The following TNKS1BP1 variants were observed in gnomAD, a reference collection of about 807,000 sequenced individuals.
The protein encoded by TNKS1BP1 is CCR4-NOT transcription complex subunit 12.
Under a neutral mutation model 141.1 loss-of-function variants are expected in TNKS1BP1, and 48 were observed. The observed-to-expected ratio is 0.34, with a 90% CI of 0.27 to 0.43. TNKS1BP1 has a LOEUF of 0.43. TNKS1BP1 is among the 20% of genes least tolerant of loss of function. The pLI, the probability that TNKS1BP1 is intolerant of heterozygous loss-of-function variation, is 1.00. For missense variants in TNKS1BP1, 2,149 were observed against 2,226.0 expected (o/e 0.97, Z 0.70); for synonymous variants, 875 against 898.2 (o/e 0.97, Z 0.46).
intron 4 of TNKS1BP1, 93 bp from the exon 5 acceptor site, chr11:57,313,982 C>T (rs1208709344): frequency 2.6e-5 from 34 of 1,324,064 alleles, no homozygotes; most frequent in Non-Finnish European, 3.3e-5. Context: ...AGGTCAGCTT[C>T]TCCCAGGCTG....
rs5792037 is a variant in TNKS1BP1, at chr11:57,322,071, TGGGG to T, written c.-65-125_-65-122del. The T allele has an allele frequency of 3.9e-3, 1,291 of 334,220 alleles. 2 individuals are homozygous for T. Among genetic ancestry groups the T allele is most frequent in the South Asian group, 5.0e-3 (132 of 26,224 alleles). 20.7% of individuals were successfully genotyped at this position (334,220 alleles called of 1,614,324 possible). On this transcript the variant is annotated intron_variant, in intron 1 of 11. Coordinates refer to ENST00000358252, the MANE Select transcript of TNKS1BP1 (RefSeq NM_033396.3). ...TGGGACAGGAAGAGAGAACTTGGAG[TGGGG>T]GGGGGGGGGTAGGAGGAGGTCAAGG...
intron 1 of TNKS1BP1, among the ~76,000 whole-genome samples, chr11:57,324,209 G>C (rs1855928019): frequency 6.6e-6 from 1 of 152,222 alleles, no homozygotes; most frequent in African/African-American, 2.4e-5. Flanking sequence ...TCCGAGGCTA[G>C]AGAGGTCGGC....
chr11:57,302,770 C>T lies in TNKS1BP1; in HGVS notation c.4372G>A (p.Glu1458Lys). 1 of 1,568,280 alleles carries T rather than the reference C, an allele frequency of 6.4e-7. No homozygotes were observed. The change falls in exon 7 of 12, where the codon GAG (glutamate) becomes AAG (lysine). Residue 1458 changes from glutamate (E) to lysine (K), a missense_variant. Physicochemically the swap from Glu to Lys is moderately conservative, Grantham distance 56. Transcript: ENST00000358252. This position sits in a 1 kb window ranked among gnomAD's most constrained non-coding sequence, Gnocchi z 5.5. ...TTGGAGCTGCTGGCTGCCAGCATCTCCTCCAGCAGGCCCTGGGAGCCGGAG... is the reference window on the plus strand; with the variant it reads ...TTGGAGCTGCTGGCTGCCAGCATCTTCTCCAGCAGGCCCTGGGAGCCGGAG... ...PPSGSQGLLEEMLAASSSKAV... is the reference protein window; with the variant it reads ...PPSGSQGLLEKMLAASSSKAV...
rs1855534978 is a variant in TNKS1BP1 at position 57,302,179 on chromosome 11, A to G, written c.4729T>C (p.Leu1577=). 6.2e-7 allele frequency: 1 copy of G among 1,612,738 alleles called. No homozygotes were observed. ...DSAMYRSRAN[L]GRKRGHRAPV... ...GCCCGGTGCCCACGCTTGCGCCCCA[A>G]GTTGGCACGGCTCCGATACATGGCA... The change falls in exon 8 of 12, where the codon TTG becomes CTG. Residue 1577 remains leucine, a synonymous_variant. Coordinates refer to ENST00000358252, the MANE Select transcript of TNKS1BP1 (RefSeq NM_033396.3). This position sits in a 1 kb window ranked among gnomAD's most constrained non-coding sequence, Gnocchi z 5.5.
At chr11:57,320,027 A>T in intron 3 of TNKS1BP1, 52 bp downstream of exon 3, 2 of 578,370 alleles carry the variant, frequency 3.5e-6, no homozygotes, top group Non-Finnish European at 5.7e-6. Flanking sequence ...ACCCAATCCC[A>T]CCCCACCTGA....
At chr11:57,307,206 G>A (rs554013400) in intron 6 of TNKS1BP1, among the ~76,000 whole-genome samples, 2 of 152,124 alleles carry the variant, frequency 1.3e-5, no homozygotes, top group South Asian at 4.2e-4. Flanking sequence ...GAACATTAAA[G>A]CTGGAACTCT....
In TNKS1BP1 at chr11:57,313,841, C is replaced by T. The variant is rs940302551; in HGVS notation, c.847G>A (p.Gly283Arg). 6.5e-7 allele frequency: 1 copy of T among 1,527,798 alleles called. No individual in the cohort carries two copies. The allele number at this position is 1,527,798 out of a possible 1,614,324, so 94.6% of individuals were successfully genotyped here. ...PSSPAPSSENGGPASPGLPAE... is the reference protein window; with the variant it reads ...PSSPAPSSENRGPASPGLPAE... ...GGGAGGCCTGGGCTGGCAGGGCCTC[C>T]ATTCTCTGAGGAGGGGGCTGGACTT... is the stretch of plus-strand genomic sequence containing the variant. The change falls in exon 5 of 12, where the codon GGA becomes AGA. Residue 283 changes from glycine (G) to arginine (R), a missense_variant. Transcript: ENST00000358252.
intron 1 of TNKS1BP1, among the ~76,000 whole-genome samples, chr11:57,322,771 G>A (rs1424291751): frequency 6.6e-6 from 1 of 152,110 alleles, no homozygotes; most frequent in Non-Finnish European, 1.5e-5. Flanking sequence ...GAGTGACTTG[G>A]GGGAAAATTC....
At chr11:57,318,447 T>C (rs1458722652) in intron 3 of TNKS1BP1, among the ~76,000 whole-genome samples, 5 of 152,172 alleles carry the variant, frequency 3.3e-5, no homozygotes, top group Non-Finnish European at 7.4e-5. Context: ...GGACTAGCTC[T>C]GGGGCCAAGG....
In TNKS1BP1 at chr11:57,300,555, C is replaced by T. The variant is rs751777735; in HGVS notation, c.5175G>A (p.Lys1725=). The change falls in exon 11 of 12, where the codon AAG becomes AAA. Residue 1725 remains lysine, a synonymous_variant. Transcript: ENST00000358252. The part of the protein sequence containing the change: ...SPNWLQALKL[K]KKKV ...CAGTGACTTCTCAGACCTTCTTCTT[C>T]TTCAGTTTCAGGGCTTGAAGCCAGT... The T allele has an allele frequency of 1.2e-6, 2 of 1,614,246 alleles. No homozygotes were observed. The highest frequency in any genetic ancestry group is 2.2e-5 in the South Asian group (2 of 91,090).
chr11:57,302,060 T>G lies in TNKS1BP1; in HGVS notation c.4834+14A>C. The G allele has an allele frequency of 6.2e-7, 1 of 1,607,700 alleles. No homozygotes were observed. The highest frequency in any genetic ancestry group is 1.7e-4 in the Middle Eastern group (1 of 6,040). ...GAGATCAAGAGACATCACCAAATAA[T>G]ACATCAGCCCTACCTGTAGAGTCCT... On this transcript the variant is annotated intron_variant, in intron 8 of 11. Coordinates refer to ENST00000358252, the MANE Select transcript of TNKS1BP1 (RefSeq NM_033396.3). The surrounding 1 kb of genome is among the most constrained non-coding windows in gnomAD (Gnocchi z 5.5).
At position 57,312,587 on chromosome 11, in the gene TNKS1BP1, G is replaced by A. The variant is rs748352522; in HGVS notation, c.2101C>T (p.Arg701Trp). 35 of 1,520,244 alleles carry A rather than the reference G, an allele frequency of 2.3e-5. 1 individual carries two copies. The East Asian group carries it at 4.6e-4, about 20-fold the overall frequency. The allele number at this position is 1,520,244 out of a possible 1,614,324, so 94.2% of individuals were successfully genotyped here. ...SPPPSGGGAR[R>W]GAGAELKDTQ... Reference sequence around the variant, plus strand: ...TCCTTCAGCTCAGCTCCAGCTCCCCGCCTTGCACCGCCACCACTGGGTGGT... The same window carrying A: ...TCCTTCAGCTCAGCTCCAGCTCCCCACCTTGCACCGCCACCACTGGGTGGT... The change falls in exon 5 of 12, where the codon CGG (arginine) becomes TGG (tryptophan). Residue 701 changes from arginine to tryptophan, a missense_variant. Physicochemically the swap from Arg to Trp is moderately radical, Grantham distance 101. Transcript: ENST00000358252.
chr11:57,317,956 G>A, intron 3 of TNKS1BP1, 69 bp from the exon 4 acceptor site: 1 of 1,495,854 alleles, frequency 6.7e-7, no homozygotes, highest in South Asian at 1.1e-5. Context: ...GAAAATGTGG[G>A]AGAGTCTCCC....
In TNKS1BP1 at chr11:57,301,889, T is replaced by C; in HGVS notation, c.4889A>G (p.Gln1630Arg). 1 of 1,614,134 alleles carries C rather than the reference T, an allele frequency of 6.2e-7. No individual in the cohort carries two copies. Among genetic ancestry groups the C allele is most frequent in the Non-Finnish European group, 8.5e-7 (1 of 1,180,020 alleles). The change falls in exon 9 of 12, where the codon CAG becomes CGG. Residue 1630 changes from glutamine to arginine, a missense_variant. Transcript: ENST00000358252. Reference sequence around the variant, plus strand: ...CAACGACATCCGTGTCCGGCGGCTCTGAGGTTCCTCCACTACCTCTTCATC... The same window carrying C: ...CAACGACATCCGTGTCCGGCGGCTCCGAGGTTCCTCCACTACCTCTTCATC... ...SSDEEVVEEP[Q>R]SRRTRMSLGT...
chr11:57,322,086 A>T (rs1187832605), intron 1 of TNKS1BP1, 136 bp from the exon 2 acceptor site: 3 of 669,554 alleles, frequency 4.5e-6, no homozygotes, highest in Non-Finnish European at 6.3e-6. Context: ...GGGGGGGGGT[A>T]GGAGGAGGTC....
chr11:57,309,567 C>A lies in TNKS1BP1; in HGVS notation c.3144G>T (p.Trp1048Cys), dbSNP rs375371020. 1.2e-6 allele frequency: 2 copies of A among 1,613,244 alleles called. No individual in the cohort carries two copies. The highest frequency in any genetic ancestry group is 2.7e-5 in the African/African-American group (2 of 74,934). ...GALGQRDQSS[W>C]QNSDASQEVG... ...CCTCCTGGCTAGCATCACTGTTTTG[C>A]CAGCTGCTCTGGTCTCTCTGCCCGA... The change falls in exon 6 of 12, where the codon TGG becomes TGT. Residue 1048 changes from tryptophan (W) to cysteine (C), a missense_variant. Coordinates refer to ENST00000358252, the MANE Select transcript of TNKS1BP1 (RefSeq NM_033396.3). The surrounding 1 kb of genome is among the most constrained non-coding windows in gnomAD (Gnocchi z 4.3).
In TNKS1BP1 at chr11:57,309,808, C is replaced by T; in HGVS notation, c.2903G>A (p.Arg968Lys). The T allele has an allele frequency of 6.2e-7, 1 of 1,614,188 alleles. No homozygotes were observed. Among genetic ancestry groups the T allele is most frequent in the Non-Finnish European group, 8.5e-7 (1 of 1,180,038 alleles). The change falls in exon 6 of 12, where the codon AGG (arginine) becomes AAG (lysine). Residue 968 changes from arginine to lysine, a missense_variant. Coordinates refer to ENST00000358252, the MANE Select transcript of TNKS1BP1 (RefSeq NM_033396.3). This position sits in a 1 kb window ranked among gnomAD's most constrained non-coding sequence, Gnocchi z 4.3. ...GCTTCTGTCCTGGGCGTCAAGGGTC[C>T]TGGAGCTGCCACCACTGCTGTAGTC... Reference protein sequence around the residue: ...IRDYSSGGSSRTLDAQDRSFG... With the variant: ...IRDYSSGGSSKTLDAQDRSFG...
chr11:57,316,466 C>T (rs73472529), intron 4 of TNKS1BP1, among the ~76,000 whole-genome samples: 1,717 of 152,230 alleles, frequency 0.011, 28 homozygotes, highest in African/African-American at 0.039. Context: ...TGTCTGAAAA[C>T]CATCTCAAAT....
chr11:57,300,853 T>C (rs1855514279), intron 10 of TNKS1BP1, 31 bp downstream of exon 10: 2 of 1,604,768 alleles, frequency 1.2e-6, no homozygotes, highest in African/African-American at 1.3e-5. Flanking sequence ...TACAGTGAGG[T>C]CAGCGGATGC....
Sources: gnomAD v4.1 joint callset for allele counts (sites outside exome capture counted in the v4.1 genomes callset) on GRCh38, gnomAD v4.1.1 for gene constraint, Gnocchi (gnomAD v3.1) non-coding constraint, MANE v1.5 for transcripts, NCBI Gene and HGNC (gene_info 2026-07-23, HGNC 2026-07-21) for gene names.